SCAPER: variants seen among roughly 807,000 people sequenced by gnomAD.
The protein encoded by SCAPER is S-phase cyclin A associated protein in the ER.
In SCAPER, 98 loss-of-function variants were observed where a neutral mutation model predicts 182.2. The observed-to-expected ratio is 0.54, with a 90% CI of 0.46 to 0.64. SCAPER has a LOEUF of 0.64. SCAPER is among the 30% of genes least tolerant of loss of function. The probability of loss-of-function intolerance (pLI) is 0.00; values close to 1 mark genes in which losing one functional copy is unlikely to be tolerated. For missense variants in SCAPER, 1,432 were observed against 1,690.0 expected (o/e 0.85, Z 2.68); for synonymous variants, 605 against 564.6 (o/e 1.07, Z -1.01).
chr15:76,778,326 G>A (rs2063869240), intron 8 of SCAPER, among the ~76,000 whole-genome samples: 1 of 152,026 alleles, frequency 6.6e-6, no homozygotes, highest in South Asian at 2.1e-4. Flanking sequence ...CACTCACAGT[G>A]GTGTATGCCA....
chr15:76,735,659 G>A (rs561181963), intron 15 of SCAPER, among the ~76,000 whole-genome samples: 4 of 141,352 alleles, frequency 2.8e-5, no homozygotes, highest in African/African-American at 1.0e-4. Flanking sequence ...CCAAGATTGT[G>A]CCACTGCACT....
intron 24 of SCAPER, among the ~76,000 whole-genome samples, chr15:76,477,979 T>C (rs2050796434): frequency 2.0e-5 from 3 of 152,004 alleles, no homozygotes; most frequent in African/African-American, 7.2e-5. Flanking sequence ...ACTTTTACAT[T>C]TTTATTTGAT....
intron 7 of SCAPER, among the ~76,000 whole-genome samples, chr15:76,799,306 G>C (rs1344691095): frequency 1.5e-5 from 2 of 129,848 alleles, no homozygotes; most frequent in Non-Finnish European, 3.3e-5. Flanking sequence ...TTTTTTTTGA[G>C]ACGGAGTCTC....
intron 28 of SCAPER, chr15:76,379,576 A>T (rs2042799206): frequency 6.6e-6 from 1 of 152,168 alleles, no homozygotes; most frequent in South Asian, 2.1e-4. Flanking sequence ...TGGCTCAAGT[A>T]GGGGATAAGT....
rs1345491637 is a variant in SCAPER, at chr15:76,363,217, T to C, written c.3856-9077A>G. Reference sequence around the variant, plus strand: ...TATTCACTGCTGTATTCCTAGTATTTGGCATAGTGTCTAACACAGTGCCTG... The same window carrying C: ...TATTCACTGCTGTATTCCTAGTATTCGGCATAGTGTCTAACACAGTGCCTG... On this transcript the variant is annotated intron_variant, in intron 29 of 31. Coordinates refer to ENST00000563290, the MANE Select transcript of SCAPER (RefSeq NM_020843.4). 2.0e-5 allele frequency among the ~76,000 whole-genome samples: 3 copies of C among 152,364 alleles called. No homozygotes were observed. In the East Asian group the frequency reaches 5.8e-4, roughly 29 times the overall value.
intron 8 of SCAPER, among the ~76,000 whole-genome samples, chr15:76,779,953 C>A (rs1223943465): frequency 2.6e-5 from 4 of 152,198 alleles, no homozygotes; most frequent in Admixed American, 2.6e-4. Flanking sequence ...GTCTGCAGCT[C>A]CCAGCGTGAT....
intron 17 of SCAPER, among the ~76,000 whole-genome samples, chr15:76,724,869 G>A (rs1041296125): frequency 2.6e-5 from 4 of 151,808 alleles, no homozygotes; most frequent in Admixed American, 1.3e-4. Context: ...CCATTGGTTC[G>A]AACTTCCTCC....
chr15:76,680,660 T>C (rs969412861), intron 20 of SCAPER, among the ~76,000 whole-genome samples: 2 of 152,020 alleles, frequency 1.3e-5, no homozygotes, highest in Non-Finnish European at 2.9e-5. Flanking sequence ...TTAGTTCCCA[T>C]GAGAGCTGCT....
intron 2 of SCAPER, among the ~76,000 whole-genome samples, chr15:76,872,682 A>G (rs2072811975): frequency 6.6e-6 from 1 of 151,678 alleles, no homozygotes. Context: ...TACTATACAT[A>G]CTATATTATA....
intron 25 of SCAPER, among the ~76,000 whole-genome samples, chr15:76,434,715 T>C (rs1441534652): frequency 6.6e-6 from 1 of 152,160 alleles, no homozygotes; most frequent in African/African-American, 2.4e-5. Flanking sequence ...CTTATTACAG[T>C]GTATTAAAAA....
At chr15:76,879,109 T>C (rs1489922744) in intron 2 of SCAPER, among the ~76,000 whole-genome samples, 1 of 152,178 alleles carries the variant, frequency 6.6e-6, no homozygotes, top group Non-Finnish European at 1.5e-5. Flanking sequence ...TGTACTATTC[T>C]TTTCCTTCTT....
chr15:76,630,439 G>A (rs913881107), intron 21 of SCAPER, among the ~76,000 whole-genome samples: 14 of 152,076 alleles, frequency 9.2e-5, no homozygotes, highest in Admixed American at 3.3e-4. Context: ...GGTATTTAGC[G>A]CTATAAATTT....
At chr15:76,840,543 T>G (rs2069373582) in intron 5 of SCAPER, among the ~76,000 whole-genome samples, 1 of 152,228 alleles carries the variant, frequency 6.6e-6, no homozygotes, top group African/African-American at 2.4e-5. Flanking sequence ...ATAACTAGTA[T>G]TTTTAAGTTA....
chr15:76,832,078 G>C (rs2068537261), intron 5 of SCAPER, among the ~76,000 whole-genome samples: 1 of 152,164 alleles, frequency 6.6e-6, no homozygotes, highest in Non-Finnish European at 1.5e-5. Flanking sequence ...TCTCAAACCA[G>C]AGTATCTTCT....
chr15:76,823,304 C>T (rs2067728607), intron 5 of SCAPER, among the ~76,000 whole-genome samples: 1 of 151,668 alleles, frequency 6.6e-6, no homozygotes, highest in Admixed American at 6.6e-5. Flanking sequence ...ACTAAAAATA[C>T]AAAAAATGAG....
At chr15:76,831,802 G>T (rs962551720) in intron 5 of SCAPER, among the ~76,000 whole-genome samples, 1 of 152,108 alleles carries the variant, frequency 6.6e-6, no homozygotes, top group Non-Finnish European at 1.5e-5. Flanking sequence ...TTGACCTCTA[G>T]GGACCAGAGA....
intron 5 of SCAPER, among the ~76,000 whole-genome samples, chr15:76,834,219 G>T (rs1308095630): frequency 6.6e-6 from 1 of 152,074 alleles, no homozygotes; most frequent in East Asian, 1.9e-4. Context: ...CAATTACATG[G>T]AAATTAAGCA....
chr15:76,562,616 T>G (rs75877293), intron 23 of SCAPER, among the ~76,000 whole-genome samples: 5 of 152,176 alleles, frequency 3.3e-5, no homozygotes, highest in African/African-American at 1.2e-4. Context: ...AAATGTCTGA[T>G]AATAACAAGC....
intron 29 of SCAPER, among the ~76,000 whole-genome samples, chr15:76,371,118 A>G (rs1244444067): frequency 6.6e-6 from 1 of 152,186 alleles, no homozygotes; most frequent in Non-Finnish European, 1.5e-5. Context: ...TCATAGAGAA[A>G]TGATTCTCTG....
Sources: gnomAD v4.1 joint callset for allele counts (sites outside exome capture counted in the v4.1 genomes callset) on GRCh38, gnomAD v4.1.1 for gene constraint, MANE v1.5 for transcripts, NCBI Gene and HGNC (gene_info 2026-07-23, HGNC 2026-07-21) for gene names.